Variants in MAP4K5 observed in about 807,000 individuals in gnomAD.
The protein encoded by MAP4K5 is MAPK/ERK kinase kinase kinase 5.
In MAP4K5, 82 loss-of-function variants were observed where a neutral mutation model predicts 135.6. That is an observed-to-expected ratio of 0.60 (90% CI 0.51 to 0.73). MAP4K5 has a LOEUF of 0.73. Among genes scored for constraint, MAP4K5 ranks in the 30% least tolerant of loss-of-function variants. The probability of loss-of-function intolerance (pLI) is 0.00; values close to 1 mark genes in which losing one functional copy is unlikely to be tolerated. For missense variants in MAP4K5, 907 were observed against 1,010.9 expected, an observed-to-expected ratio of 0.90 and a Z score of 1.39; for synonymous variants, 347 against 335.0, an observed-to-expected ratio of 1.04 and a Z score of -0.39.
At chr14:50,444,163 T>G in intron 18 of MAP4K5, 127 bp from the exon 19 acceptor site, 1 of 679,152 alleles carries the variant, frequency 1.5e-6, no homozygotes, top group Non-Finnish European at 2.6e-6. Flanking sequence ...TATTCTCTAC[T>G]CTCAGGTAAG....
chr14:50,525,347 C>T (rs75203644), intron 2 of MAP4K5, among the ~76,000 whole-genome samples: 1 of 152,350 alleles, frequency 6.6e-6, no homozygotes, highest in East Asian at 1.9e-4. Flanking sequence ...CCTCCTGCCC[C>T]TCACCGATTA....
In MAP4K5 at chr14:50,419,683, C is replaced by G. The variant is rs978063690; in HGVS notation, c.*336G>C. ...TATAAAATGATCACTAAATTTACCTCTCTTAAGATAATCACGAGTTATCTA... is the reference window on the plus strand; with the variant it reads ...TATAAAATGATCACTAAATTTACCTGTCTTAAGATAATCACGAGTTATCTA... On this transcript the variant is annotated 3_prime_UTR_variant, in exon 33 of 33. Coordinates refer to ENST00000682126, the MANE Select transcript of MAP4K5 (RefSeq NM_006575.6). 4 of 215,542 alleles carry G rather than the reference C, an allele frequency of 1.9e-5. No homozygotes were observed. Among genetic ancestry groups the G allele is most frequent in the African/African-American group, 9.0e-5 (4 of 44,284 alleles). The allele number at this position is 215,542 out of a possible 1,614,324, so 13.4% of individuals were successfully genotyped here.
chr14:50,440,307 C>T, intron 22 of MAP4K5, 55 bp downstream of exon 22: 5 of 1,153,376 alleles, frequency 4.3e-6, no homozygotes, highest in South Asian at 1.4e-5. Context: ...AAAATTAAGA[C>T]ACTTCTTTAT....
rs2037064775 is a variant in MAP4K5, at chr14:50,475,057, C to G, written c.542+20G>C. ...TGAAGAAATGAAAATGGATCAAATT[C>G]AATCACAGTAATGTCTTACCAGTAA... On this transcript the variant is annotated intron_variant, in intron 9 of 32. Coordinates refer to ENST00000682126, the MANE Select transcript of MAP4K5 (RefSeq NM_006575.6). 16 of 1,592,452 alleles carry G rather than the reference C, an allele frequency of 1.0e-5. No individual in the cohort carries two copies. Among genetic ancestry groups the G allele is most frequent in the African/African-American group, 1.3e-5 (1 of 74,584 alleles).
intron 18 of MAP4K5, among the ~76,000 whole-genome samples, chr14:50,444,324 C>CT (rs1223606194): frequency 6.6e-6 from 1 of 152,162 alleles, no homozygotes; most frequent in Non-Finnish European, 1.5e-5. Context: ...TTCAATCCAC[C>CT]TTTTCAGTTG....
At chr14:50,424,372 A>G (rs1172829784) in intron 31 of MAP4K5, among the ~76,000 whole-genome samples, 1 of 152,124 alleles carries the variant, frequency 6.6e-6, no homozygotes. Flanking sequence ...AGCTAGGCCC[A>G]AGTTGAAGGA....
chr14:50,430,825 C>A (rs1163898866), intron 28 of MAP4K5, among the ~76,000 whole-genome samples: 4 of 152,102 alleles, frequency 2.6e-5, no homozygotes, highest in Admixed American at 6.6e-5. Flanking sequence ...AGAATTAGGG[C>A]CTGGTAAAAA....
intron 1 of MAP4K5, among the ~76,000 whole-genome samples, chr14:50,556,323 C>T (rs1379523948): frequency 1.3e-5 from 2 of 152,144 alleles, no homozygotes; most frequent in Non-Finnish European, 2.9e-5. Context: ...TCAAGGGATC[C>T]TCCCACCTCA....
At chr14:50,464,421 G>T (rs1416170180) in intron 11 of MAP4K5, among the ~76,000 whole-genome samples, 2 of 152,146 alleles carry the variant, frequency 1.3e-5, no homozygotes, top group Non-Finnish European at 2.9e-5. Context: ...TACTACTTAG[G>T]AGTCAAAATG....
chr14:50,458,815 A>G (rs933626008), intron 13 of MAP4K5, among the ~76,000 whole-genome samples: 3 of 151,688 alleles, frequency 2.0e-5, no homozygotes, highest in African/African-American at 7.3e-5. Flanking sequence ...ATTTACTTTT[A>G]TTTATTTTTT....
intron 28 of MAP4K5, among the ~76,000 whole-genome samples, chr14:50,432,129 T>G (rs1204053203): frequency 6.6e-6 from 1 of 152,234 alleles, no homozygotes; most frequent in Admixed American, 6.5e-5. Flanking sequence ...GCTGACCATA[T>G]GCTAAGCACC....
chr14:50,493,535 C>T (rs1373926660), intron 3 of MAP4K5, among the ~76,000 whole-genome samples: 4 of 151,904 alleles, frequency 2.6e-5, no homozygotes, highest in South Asian at 4.2e-4. Context: ...ACAGATGACA[C>T]GATCATATGT....
intron 2 of MAP4K5, among the ~76,000 whole-genome samples, chr14:50,507,063 T>TC (rs1289432931): frequency 6.6e-6 from 1 of 152,260 alleles, no homozygotes; most frequent in Non-Finnish European, 1.5e-5. Flanking sequence ...ATAATTGACT[T>TC]CCTGGGCATA....
At chr14:50,482,800 AAAC>A (rs1283760521) in intron 5 of MAP4K5, 1 of 157,220 alleles carries the variant, frequency 6.4e-6, no homozygotes, top group East Asian at 1.9e-4. Context: ...AAACAAAACA[AAAC>A]AAAAAAACAG....
Position 50,440,342 on chromosome 14 carries a change from G to A in MAP4K5, c.1644+20C>T. The A allele has an allele frequency of 6.7e-7, 1 of 1,489,674 alleles. No homozygotes were observed. 92.3% of individuals were successfully genotyped at this position (1,489,674 alleles called of 1,614,324 possible). ...TTCAATTTGTTTAAATTAATTTCTT[G>A]AATTAAAATGCCTAATTACCTGTTC... On this transcript the variant is annotated intron_variant, in intron 22 of 32. Transcript: ENST00000682126.
chr14:50,548,709 A>G lies in MAP4K5; in HGVS notation c.-179-6125T>C, dbSNP rs537987205. Among the ~76,000 whole-genome samples the G allele has an allele frequency of 1.5e-3, 223 of 152,148 alleles. 1 individual carries two copies. Among genetic ancestry groups the G allele is most frequent in the Non-Finnish European group, 2.8e-3 (188 of 67,992 alleles). Reference sequence around the variant, plus strand: ...GTATTTTTAGTAGAGACAGGGTTTCACTGTGTTAGCCAGGATGGTCTCGAT... The same window carrying G: ...GTATTTTTAGTAGAGACAGGGTTTCGCTGTGTTAGCCAGGATGGTCTCGAT... On this transcript the variant is annotated intron_variant, in intron 1 of 8. Transcript: ENST00000555216.
intron 14 of MAP4K5, chr14:50,450,516 G>A (rs1396384942): frequency 6.6e-6 from 1 of 152,128 alleles, no homozygotes; most frequent in Admixed American, 6.6e-5. Flanking sequence ...CTCAACAGGT[G>A]AACGGAACAA....
intron 6 of MAP4K5, among the ~76,000 whole-genome samples, chr14:50,479,671 G>T (rs2037193818): frequency 6.6e-6 from 1 of 152,056 alleles, no homozygotes; most frequent in African/African-American, 2.4e-5. Flanking sequence ...AGTGTGGGTT[G>T]GTTTTACTGA....
chr14:50,433,710 T>C (rs1218259670), intron 28 of MAP4K5, among the ~76,000 whole-genome samples: 2 of 152,178 alleles, frequency 1.3e-5, no homozygotes, highest in African/African-American at 2.4e-5. Context: ...AGTAATGAAA[T>C]AGCCATAACT....
Sources: allele counts gnomAD v4.1 joint callset (sites outside exome capture counted in the v4.1 genomes callset), GRCh38; gene constraint gnomAD v4.1.1; transcripts MANE v1.5; gene names NCBI Gene and HGNC (gene_info 2026-07-23, HGNC 2026-07-21).